The following PEAK1 variants were observed in gnomAD, a reference collection of about 807,000 sequenced individuals.
The protein encoded by PEAK1 is pseudopodium enriched atypical kinase 1.
PEAK1 carries 54 observed loss-of-function variants against 124.7 expected under a neutral mutation model. That is an observed-to-expected ratio of 0.43 (90% CI 0.35 to 0.54). The LOEUF (loss-of-function observed/expected upper bound fraction) is 0.54, where lower values mean the gene tolerates loss of function less well. Ranked by LOEUF, PEAK1 falls within the 20% of genes least tolerant of loss-of-function variation. The pLI is 0.01. For synonymous variants in PEAK1, 719 were observed against 760.0 expected, an observed-to-expected ratio of 0.95 and a Z score of 0.89; for missense variants, 2,046 against 2,134.5, an observed-to-expected ratio of 0.96 and a Z score of 0.82.
intron 5 of PEAK1, among the ~76,000 whole-genome samples, chr15:77,271,124 A>T (rs527625544): frequency 6.6e-6 from 1 of 152,348 alleles, no homozygotes; most frequent in East Asian, 1.9e-4. Context: ...GGCGAAGGAC[A>T]TGAACAGACA....
intron 5 of PEAK1, among the ~76,000 whole-genome samples, chr15:77,270,449 T>C (rs1355401558): frequency 2.0e-5 from 3 of 152,174 alleles, no homozygotes; most frequent in Admixed American, 6.5e-5. Flanking sequence ...ACAAAATCAA[T>C]GTGCAAAAAT....
chr15:77,174,496 T>G (rs1049879336), intron 7 of PEAK1, among the ~76,000 whole-genome samples: 2 of 152,176 alleles, frequency 1.3e-5, no homozygotes, highest in South Asian at 4.1e-4. Context: ...CAATGGTGTA[T>G]CCAAGTAAAT....
At position 77,115,420 on chromosome 15, in the gene PEAK1, T is replaced by A. The variant is rs1255988064; in HGVS notation, c.4078-101A>T. 26 of 1,091,970 alleles carry A rather than the reference T, an allele frequency of 2.4e-5. No homozygotes were observed. In the African/African-American group the frequency reaches 4.0e-4, roughly 17 times the overall value. 67.6% of individuals were successfully genotyped at this position (1,091,970 alleles called of 1,614,324 possible). ...AAGGTGACTGGTTAGGGACAAACGA[T>A]CATATAGTAAAGTTGTTCGCAAGGC... On this transcript the variant is annotated intron_variant, in intron 9 of 9. Transcript: ENST00000682557.
chr15:77,209,347 ATTTC>A (rs2058805282), intron 6 of PEAK1, among the ~76,000 whole-genome samples: 1 of 151,950 alleles, frequency 6.6e-6, no homozygotes, highest in Non-Finnish European at 1.5e-5. Flanking sequence ...TCCTGGGCTT[ATTTC>A]TTTATCCTTC....
intron 6 of PEAK1, among the ~76,000 whole-genome samples, chr15:77,190,101 C>T (rs888358333): frequency 6.6e-6 from 1 of 152,026 alleles, no homozygotes; most frequent in Admixed American, 6.6e-5. Flanking sequence ...GCTTTATTGT[C>T]TTGTGTTACT....
intron 1 of PEAK1, chr15:77,417,839 T>C: frequency 3.0e-6 from 3 of 985,410 alleles, no homozygotes; most frequent in Non-Finnish European, 2.4e-6. Context: ...AAGCATGAAT[T>C]TATAGCTGAT....
intron 8 of PEAK1, among the ~76,000 whole-genome samples, chr15:77,152,374 TAAG>T (rs781380508): frequency 1.9e-4 from 29 of 152,192 alleles, no homozygotes; most frequent in Non-Finnish European, 2.9e-4. Context: ...CTTATCAGCT[TAAG>T]GAGATTTTGG....
intron 2 of PEAK1, among the ~76,000 whole-genome samples, chr15:77,327,727 C>T (rs1443953163): frequency 6.6e-6 from 1 of 151,672 alleles, no homozygotes; most frequent in Non-Finnish European, 1.5e-5. Context: ...AAAATCCATA[C>T]CCATGCTAGA....
Position 77,163,143 on chromosome 15 carries a change from G to A in PEAK1, c.3138-4447C>T, listed in dbSNP as rs1256118293. On this transcript the variant is annotated intron_variant, in intron 7 of 9. Coordinates refer to ENST00000682557, the MANE Select transcript of PEAK1 (RefSeq NM_001385026.1). ...CTACTTTTTGTCCTGAACCTTCAGC[G>A]TTCCTTCTGCTTTCACAGACAGACA... Among the ~76,000 whole-genome samples, 8 of 152,104 alleles carry A rather than the reference G, an allele frequency of 5.3e-5. No homozygotes were observed. In the East Asian group the frequency reaches 7.7e-4, roughly 15 times the overall value.
In PEAK1 at chr15:77,417,563, T is replaced by C. The variant is rs952969135; in HGVS notation, c.-666+2443A>G. 6.1e-6 allele frequency: 6 copies of C among 985,328 alleles called. No individual in the cohort carries two copies. The African/African-American group carries it at 7.0e-5, about 11-fold the overall frequency. 61.0% of individuals were successfully genotyped at this position (985,328 alleles called of 1,614,324 possible). ...TGCCTCTTACACTGAAAACAGGGAT[T>C]TGCAACACTGATATGGAGCCTTGTA... On this transcript the variant is annotated intron_variant, in intron 1 of 9. Coordinates refer to ENST00000682557, the MANE Select transcript of PEAK1 (RefSeq NM_001385026.1).
Position 77,111,311 on chromosome 15 carries a change from C to A in PEAK1, c.*2845G>T, listed in dbSNP as rs1465750374. 1 of 152,124 alleles carries A rather than the reference C, an allele frequency of 6.6e-6. No homozygotes were observed. Among genetic ancestry groups the A allele is most frequent in the Non-Finnish European group, 1.5e-5 (1 of 68,018 alleles). The allele number at this position is 152,124 out of a possible 1,614,324, so 9.4% of individuals were successfully genotyped here. On this transcript the variant is annotated 3_prime_UTR_variant, in exon 10 of 10. Transcript: ENST00000682557. ...ATGAACAAATTCAAAGGTCCTACCACAATTAAAATGAAAAATATTTGTGAT... is the reference window on the plus strand; with the variant it reads ...ATGAACAAATTCAAAGGTCCTACCAAAATTAAAATGAAAAATATTTGTGAT...
At chr15:77,378,193 T>A (rs1354310984) in intron 1 of PEAK1, among the ~76,000 whole-genome samples, 2 of 129,432 alleles carry the variant, frequency 1.5e-5, no homozygotes, top group African/African-American at 2.6e-5. Context: ...CAATATTATA[T>A]ATATATATAT....
chr15:77,199,268 T>C (rs934085575), intron 6 of PEAK1, among the ~76,000 whole-genome samples: 2 of 152,228 alleles, frequency 1.3e-5, no homozygotes, highest in African/African-American at 4.8e-5. Context: ...CCTTTTAAAG[T>C]TCATTTGGTA....
intron 8 of PEAK1, chr15:77,158,251 C>T (rs546939651): frequency 3.1e-5 from 13 of 419,082 alleles, no homozygotes; most frequent in African/African-American, 3.9e-5. Flanking sequence ...TCACCTCTTT[C>T]CCCCCAGGTG....
At chr15:77,190,665 A>C (rs1259802834) in intron 6 of PEAK1, among the ~76,000 whole-genome samples, 1 of 152,238 alleles carries the variant, frequency 6.6e-6, no homozygotes, top group African/African-American at 2.4e-5. Context: ...TGAGAAAAGA[A>C]AGGCTCACTT....
chr15:77,198,052 AAACTT>A (rs1209056338), intron 6 of PEAK1, among the ~76,000 whole-genome samples: 9 of 152,194 alleles, frequency 5.9e-5, no homozygotes, highest in Non-Finnish European at 1.3e-4. Context: ...AAATTTATCA[AAACTT>A]AAATGAGAGA....
chr15:77,244,338 T>G (rs2060485192), intron 6 of PEAK1, among the ~76,000 whole-genome samples: 1 of 152,202 alleles, frequency 6.6e-6, no homozygotes, highest in Non-Finnish European at 1.5e-5. Flanking sequence ...TATTGGAGTT[T>G]AGCTATCAAA....
intron 2 of PEAK1, chr15:77,335,231 C>T (rs2066127634): frequency 1.0e-6 from 1 of 985,322 alleles, no homozygotes; most frequent in South Asian, 4.7e-5. Context: ...CCTTCAGGGG[C>T]TCCTCCTCAA....
At chr15:77,310,021 C>T (rs2064342193) in intron 2 of PEAK1, among the ~76,000 whole-genome samples, 1 of 152,134 alleles carries the variant, frequency 6.6e-6, no homozygotes, top group Non-Finnish European at 1.5e-5. Context: ...AGAACCCAAA[C>T]TAGTGGACTA....
Sources: allele counts gnomAD v4.1 joint callset (sites outside exome capture counted in the v4.1 genomes callset), GRCh38; gene constraint gnomAD v4.1.1; transcripts MANE v1.5; gene names NCBI Gene and HGNC (gene_info 2026-07-23, HGNC 2026-07-21).